SGCD: variants seen among roughly 807,000 people sequenced by gnomAD.
SGCD encodes the protein delta-sarcoglycan.
In SGCD, 18 loss-of-function variants were observed where a neutral mutation model predicts 36.6. The observed-to-expected ratio is 0.49, with a 90% CI of 0.34 to 0.73. SGCD has a LOEUF of 0.73. Ranked by LOEUF, SGCD falls within the 30% of genes least tolerant of loss-of-function variation. SGCD has a pLI of 0.01. For missense variants in SGCD, 387 were observed against 346.7 expected (o/e 1.12, Z -0.92); for synonymous variants, 133 against 130.6 (o/e 1.02, Z -0.12).
chr5:156,020,895 C>T (rs1581046031), intron 1 of SGCD, among the ~76,000 whole-genome samples: 1 of 152,188 alleles, frequency 6.6e-6, no homozygotes, highest in African/African-American at 2.4e-5. Flanking sequence ...TGACCTCTTG[C>T]ACTCGGCTGG....
At chr5:156,566,345 T>C (rs894752201) in intron 4 of SGCD, among the ~76,000 whole-genome samples, 2 of 152,238 alleles carry the variant, frequency 1.3e-5, no homozygotes, top group Admixed American at 1.3e-4. Context: ...TTACCTGTTT[T>C]AGATGGCATG....
chr5:156,299,139 G>C (rs572106708), intron 3 of SGCD, among the ~76,000 whole-genome samples: 70 of 152,258 alleles, frequency 4.6e-4, no homozygotes, highest in African/African-American at 1.7e-3. Flanking sequence ...TATAGATCTA[G>C]TTTCATTTTT....
chr5:156,567,369 GATAGATAA>G lies in SGCD; in HGVS notation c.295-21854_295-21847del, dbSNP rs1233511096. On this transcript the variant is annotated intron_variant, in intron 4 of 8. Transcript: ENST00000337851. ...TGAGGCAGGGAGGGAGGGAGGGATGGATAGATAAATAGATAGATAGATAGATAGATAGA... is the reference window on the plus strand; with the variant it reads ...TGAGGCAGGGAGGGAGGGAGGGATGGATAGATAGATAGATAGATAGATAGA... Among the ~76,000 whole-genome samples, 9 of 128,960 alleles carry G rather than the reference GATAGATAA, an allele frequency of 7.0e-5. No individual in the cohort carries two copies. In the South Asian group the frequency reaches 8.2e-4, roughly 12 times the overall value. 84.6% of individuals were successfully genotyped at this position (128,960 alleles called of 152,430 possible).
At chr5:156,582,046 C>T (rs117214378) in intron 4 of SGCD, among the ~76,000 whole-genome samples, 13 of 152,164 alleles carry the variant, frequency 8.5e-5, no homozygotes, top group East Asian at 5.8e-4. Context: ...CCTATTCAGC[C>T]GTCTTGGAAT....
chr5:156,073,888 C>T (rs986404826), intron 1 of SGCD, among the ~76,000 whole-genome samples: 1 of 152,168 alleles, frequency 6.6e-6, no homozygotes, highest in African/African-American at 2.4e-5. Context: ...CAAGGCTTGA[C>T]AGGTCTGAAA....
chr5:156,039,549 C>A (rs1428268028), intron 1 of SGCD, among the ~76,000 whole-genome samples: 2 of 152,112 alleles, frequency 1.3e-5, no homozygotes, highest in Non-Finnish European at 1.5e-5. Flanking sequence ...GATATTTAAA[C>A]TATCTGTTGA....
intron 4 of SGCD, among the ~76,000 whole-genome samples, chr5:156,566,659 A>G (rs904684560): frequency 6.6e-6 from 1 of 152,204 alleles, no homozygotes; most frequent in African/African-American, 2.4e-5. Context: ...GAAATATAAC[A>G]CTATTCTAAG....
At chr5:156,070,536 T>C (rs1760514500) in intron 1 of SGCD, among the ~76,000 whole-genome samples, 1 of 150,896 alleles carries the variant, frequency 6.6e-6, no homozygotes, top group African/African-American at 2.5e-5. Flanking sequence ...GGTTTGCCAG[T>C]ATTTTATTGA....
intron 1 of SGCD, among the ~76,000 whole-genome samples, chr5:156,031,946 TAA>T (rs1759356608): frequency 6.6e-6 from 1 of 152,306 alleles, no homozygotes; most frequent in Admixed American, 6.5e-5. Flanking sequence ...TATTATATGA[TAA>T]GTCATAGCCA....
intron 1 of SGCD, among the ~76,000 whole-genome samples, chr5:156,028,475 A>G (rs919913985): frequency 6.6e-6 from 1 of 152,108 alleles, no homozygotes; most frequent in Non-Finnish European, 1.5e-5. Flanking sequence ...CTTCCTATGT[A>G]AAATGATAGC....
chr5:156,576,282 C>T (rs995036487), intron 4 of SGCD, among the ~76,000 whole-genome samples: 11 of 152,158 alleles, frequency 7.2e-5, no homozygotes, highest in Non-Finnish European at 1.3e-4. Flanking sequence ...ACATAGTATT[C>T]CATGGTGTAT....
At chr5:156,607,866 G>T (rs934850804) in intron 6 of SGCD, among the ~76,000 whole-genome samples, 1 of 152,156 alleles carries the variant, frequency 6.6e-6, no homozygotes, top group African/African-American at 2.4e-5. Context: ...ATGGTAGTTT[G>T]TATTTCTGTT....
chr5:156,653,426 G>A lies in SGCD; in HGVS notation c.575+5890G>A, dbSNP rs546060225. Among the ~76,000 whole-genome samples the A allele has an allele frequency of 2.1e-5, 3 of 143,324 alleles. No individual in the cohort carries two copies. The South Asian group carries it at 6.7e-4, about 32-fold the overall frequency. The allele number at this position is 143,324 out of a possible 152,430, so 94.0% of individuals were successfully genotyped here. On this transcript the variant is annotated intron_variant, in intron 7 of 8. Transcript: ENST00000337851. ...TTGAGGATCTTTTGTATTTCTGTGG[G>A]GTAGCTTGTAATGTCACCTTTGTCA...
At chr5:155,987,910 A>T (rs997213751) in intron 1 of SGCD, among the ~76,000 whole-genome samples, 2 of 152,166 alleles carry the variant, frequency 1.3e-5, no homozygotes, top group African/African-American at 4.8e-5. Flanking sequence ...GATAACAACA[A>T]TAGTAATAAT....
chr5:156,171,484 T>C (rs911348892), intron 3 of SGCD, among the ~76,000 whole-genome samples: 2 of 152,216 alleles, frequency 1.3e-5, no homozygotes, highest in Non-Finnish European at 2.9e-5. Context: ...TATAATGTGT[T>C]ATCTTGGATT....
intron 1 of SGCD, among the ~76,000 whole-genome samples, chr5:155,944,911 C>CA (rs201488355): frequency 1.0e-4 from 15 of 143,868 alleles, no homozygotes; most frequent in Non-Finnish European, 1.5e-4. Context: ...AAGAGCCATG[C>CA]AAAAAAAAAT....
At chr5:155,862,572 A>C in the SGCD span, among the ~76,000 whole-genome samples, 1 of 152,296 alleles carries the variant, frequency 6.6e-6, no homozygotes, top group South Asian at 2.1e-4. Context: ...GTTGGCCTCA[A>C]GTGATCCTCC....
chr5:156,069,107 T>C (rs1760445122), intron 1 of SGCD, among the ~76,000 whole-genome samples: 1 of 152,166 alleles, frequency 6.6e-6, no homozygotes, highest in South Asian at 2.1e-4. Flanking sequence ...TCTTTTGCTG[T>C]GCAGAAGCTA....
At chr5:156,607,759 C>T (rs997191244) in intron 6 of SGCD, among the ~76,000 whole-genome samples, 1 of 152,110 alleles carries the variant, frequency 6.6e-6, no homozygotes, top group African/African-American at 2.4e-5. Flanking sequence ...CAACTTCTTC[C>T]TGGTTTAGTC....
Sources: gnomAD v4.1 joint callset for allele counts (sites outside exome capture counted in the v4.1 genomes callset) on GRCh38, gnomAD v4.1.1 for gene constraint, MANE v1.5 for transcripts, NCBI Gene and HGNC (gene_info 2026-07-23, HGNC 2026-07-21) for gene names.